Variants in CCDC7 observed in about 807,000 individuals in gnomAD.
CCDC7 encodes coiled-coil domain containing 7, also known as coiled-coil domain-containing protein 7.
In CCDC7, 183 loss-of-function variants were observed where a neutral mutation model predicts 196.9. That is an observed-to-expected ratio of 0.93 (90% CI 0.82 to 1.05). CCDC7 has a LOEUF of 1.05. Ranked by LOEUF, CCDC7 falls within the 50% of genes least tolerant of loss-of-function variation. The probability of loss-of-function intolerance (pLI) is 0.00; values close to 1 mark genes in which losing one functional copy is unlikely to be tolerated. For missense variants in CCDC7, 1,540 were observed against 1,482.2 expected (o/e 1.04, Z -0.64); for synonymous variants, 525 against 484.6 (o/e 1.08, Z -1.10).
intron 20 of CCDC7, among the ~76,000 whole-genome samples, chr10:32,644,975 GTA>G (rs1190690737): frequency 6.6e-6 from 1 of 152,096 alleles, no homozygotes; most frequent in African/African-American, 2.4e-5. Context: ...CCAGTCTCAG[GTA>G]TTTCTTTATT....
chr10:32,721,183 G>C (rs1282586516), intron 25 of CCDC7, among the ~76,000 whole-genome samples: 1 of 152,130 alleles, frequency 6.6e-6, no homozygotes, highest in Non-Finnish European at 1.5e-5. Context: ...GGTGAACTTT[G>C]GTTGAACTTT....
chr10:32,749,567 T>G (rs1159886761), intron 28 of CCDC7, among the ~76,000 whole-genome samples: 2 of 152,208 alleles, frequency 1.3e-5, no homozygotes, highest in Non-Finnish European at 2.9e-5. Context: ...GTACTATATT[T>G]TAATATGTCA....
At chr10:32,452,566 T>G (rs1331947206) in intron 1 of CCDC7, among the ~76,000 whole-genome samples, 1 of 152,244 alleles carries the variant, frequency 6.6e-6, no homozygotes, top group Non-Finnish European at 1.5e-5. Flanking sequence ...CAAGCAATTT[T>G]CCTGTCTCAG....
chr10:32,454,577 T>TAA (rs150293880), intron 2 of CCDC7, among the ~76,000 whole-genome samples: 1 of 146,814 alleles, frequency 6.8e-6, no homozygotes, highest in East Asian at 2.0e-4. Flanking sequence ...AAACAAAAGT[T>TAA]AAAAAAAAAA....
At chr10:32,723,057 A>G (rs2082633578) in intron 25 of CCDC7, among the ~76,000 whole-genome samples, 1 of 152,008 alleles carries the variant, frequency 6.6e-6, no homozygotes, top group Admixed American at 6.6e-5. Flanking sequence ...CGCTTTATTA[A>G]TCAGGATCCA....
chr10:32,797,259 G>GTA (rs1406571802), intron 29 of CCDC7, among the ~76,000 whole-genome samples: 5 of 149,782 alleles, frequency 3.3e-5, no homozygotes, highest in African/African-American at 9.9e-5. Context: ...ATATATGTGT[G>GTA]TATATATATG....
At chr10:32,582,082 CTA>C (rs1351288847) in intron 16 of CCDC7, among the ~76,000 whole-genome samples, 1 of 124,882 alleles carries the variant, frequency 8.0e-6, no homozygotes, top group African/African-American at 2.8e-5. Flanking sequence ...GTCATAAATT[CTA>C]TGTTTTTTTA....
At chr10:32,733,415 A>T (rs1303849350) in intron 28 of CCDC7, among the ~76,000 whole-genome samples, 2 of 152,044 alleles carry the variant, frequency 1.3e-5, no homozygotes, top group African/African-American at 4.8e-5. Flanking sequence ...TTAGATGGAG[A>T]TTTTTTTAAT....
intron 29 of CCDC7, among the ~76,000 whole-genome samples, chr10:32,800,550 G>C (rs553624972): frequency 6.6e-6 from 1 of 152,068 alleles, no homozygotes; most frequent in Admixed American, 6.5e-5. Context: ...TGAGTCCCCC[G>C]GAATCAATGT....
intron 24 of CCDC7, among the ~76,000 whole-genome samples, chr10:32,700,143 G>T (rs1179618053): frequency 1.3e-5 from 2 of 149,452 alleles, no homozygotes; most frequent in Non-Finnish European, 2.9e-5. Context: ...CCTATGTCCT[G>T]AATGGTATTG....
chr10:32,582,261 A>G (rs2058826285), intron 16 of CCDC7, among the ~76,000 whole-genome samples: 2 of 151,148 alleles, frequency 1.3e-5, no homozygotes, highest in Admixed American at 1.3e-4. Context: ...ACATTGAAAA[A>G]TTTTTCTTCT....
chr10:32,707,484 G>A (rs1159234093), intron 24 of CCDC7, among the ~76,000 whole-genome samples: 1 of 152,152 alleles, frequency 6.6e-6, no homozygotes, highest in Non-Finnish European at 1.5e-5. Context: ...AATCAGGCAG[G>A]AGAAGGAAAT....
downstream of CCDC7, chr10:32,876,467 G>C: frequency 7.2e-7 from 1 of 1,394,658 alleles, no homozygotes; most frequent in Non-Finnish European, 1.0e-6. Flanking sequence ...TGCAAGTATA[G>C]AAGCCTTTTG....
At chr10:32,565,047 T>G (rs983238999) in intron 13 of CCDC7, among the ~76,000 whole-genome samples, 1 of 152,212 alleles carries the variant, frequency 6.6e-6, no homozygotes, top group Non-Finnish European at 1.5e-5. Context: ...GATACTTGTA[T>G]TTAGTCCAGA....
At chr10:32,683,003 A>T (rs1252484469) in intron 21 of CCDC7, among the ~76,000 whole-genome samples, 1 of 151,934 alleles carries the variant, frequency 6.6e-6, no homozygotes, top group East Asian at 1.9e-4. Context: ...GTTTAATTAG[A>T]TCCTATTTGT....
At chr10:32,497,025 C>T (rs2043022797) in intron 9 of CCDC7, among the ~76,000 whole-genome samples, 1 of 152,030 alleles carries the variant, frequency 6.6e-6, no homozygotes, top group Non-Finnish European at 1.5e-5. Context: ...TGGTCCTGGA[C>T]TTTTTTTGGT....
intron 28 of CCDC7, among the ~76,000 whole-genome samples, chr10:32,766,161 A>G (rs1407195510): frequency 6.6e-6 from 1 of 152,062 alleles, no homozygotes; most frequent in African/African-American, 2.4e-5. Flanking sequence ...CTTCTACATC[A>G]TGAAATGTTT....
chr10:32,704,758 C>G (rs1376564158), intron 24 of CCDC7, among the ~76,000 whole-genome samples: 1 of 152,182 alleles, frequency 6.6e-6, no homozygotes, highest in Non-Finnish European at 1.5e-5. Context: ...TGATCTCAGA[C>G]TGCTGTGCTA....
intron 25 of CCDC7, among the ~76,000 whole-genome samples, chr10:32,712,484 G>A (rs1011635463): frequency 6.6e-5 from 10 of 152,136 alleles, no homozygotes; most frequent in Non-Finnish European, 5.9e-5. Context: ...CAGAGCATCT[G>A]GTTCCTTTTG....
Sources: gnomAD v4.1 joint callset for allele counts (sites outside exome capture counted in the v4.1 genomes callset) on GRCh38, gnomAD v4.1.1 for gene constraint, MANE v1.5 for transcripts, NCBI Gene and HGNC (gene_info 2026-07-23, HGNC 2026-07-21) for gene names.